The following CHRM3 variants were observed in gnomAD, a reference collection of about 807,000 sequenced individuals.
CHRM3 encodes the protein muscarinic acetylcholine receptor M3.
A neutral mutation model predicts 41.8 loss-of-function variants in CHRM3; 11 were observed. That is an observed-to-expected ratio of 0.26 (90% confidence interval 0.17 to 0.44). CHRM3 has a LOEUF of 0.44. Among genes scored for constraint, CHRM3 ranks in the 20% least tolerant of loss-of-function variants. The pLI, the probability that CHRM3 is intolerant of heterozygous loss-of-function variation, is 1.00. For missense variants in CHRM3, 571 were observed against 745.4 expected, an observed-to-expected ratio of 0.77 and a Z score of 2.72; for synonymous variants, 297 against 301.4, an observed-to-expected ratio of 0.99 and a Z score of 0.15.
chr1:239,711,408 G>A (rs1257401021), intron 5 of CHRM3, among the ~76,000 whole-genome samples: 1 of 151,548 alleles, frequency 6.6e-6, no homozygotes, highest in Non-Finnish European at 1.5e-5. Context: ...AATAATGCTT[G>A]GCCACCCAGA....
At chr1:239,469,552 T>A (rs1216920925) in intron 1 of CHRM3, among the ~76,000 whole-genome samples, 3 of 152,082 alleles carry the variant, frequency 2.0e-5, no homozygotes, top group Non-Finnish European at 4.4e-5. Flanking sequence ...TTTAAAAAAT[T>A]TTTTTATTTT....
At chr1:239,427,134 T>C (rs1662452308) in intron 1 of CHRM3, among the ~76,000 whole-genome samples, 1 of 152,150 alleles carries the variant, frequency 6.6e-6, no homozygotes, top group South Asian at 2.1e-4. Context: ...TTTAAAGTCA[T>C]TTTCCTGTGG....
At chr1:239,754,891 C>CT (rs942142896) in intron 5 of CHRM3, among the ~76,000 whole-genome samples, 1 of 151,986 alleles carries the variant, frequency 6.6e-6, no homozygotes, top group Non-Finnish European at 1.5e-5. Context: ...CATAATTTGT[C>CT]TTATTGTGGG....
At chr1:239,644,675 A>G (rs1196546058) in intron 4 of CHRM3, among the ~76,000 whole-genome samples, 2 of 151,998 alleles carry the variant, frequency 1.3e-5, no homozygotes, top group East Asian at 3.9e-4. Flanking sequence ...GCCGGAGTGG[A>G]CTCTTTGACA....
intron 1 of CHRM3, among the ~76,000 whole-genome samples, chr1:239,449,602 G>T (rs983279482): frequency 1.2e-4 from 18 of 152,160 alleles, no homozygotes; most frequent in African/African-American, 3.4e-4. Flanking sequence ...GAAATTTGCA[G>T]ATGGTTCCAA....
chr1:239,474,030 G>A (rs543158179), intron 1 of CHRM3, among the ~76,000 whole-genome samples: 23 of 152,030 alleles, frequency 1.5e-4, no homozygotes, highest in African/African-American at 5.3e-4. Flanking sequence ...ATATTTGAAG[G>A]GCTGAGTGTT....
At chr1:239,594,054 T>C (rs1211303485) in intron 3 of CHRM3, among the ~76,000 whole-genome samples, 2 of 152,248 alleles carry the variant, frequency 1.3e-5, no homozygotes, top group South Asian at 4.1e-4. Context: ...GTATCCTTTT[T>C]TCTCCCTTTT....
intron 6 of CHRM3, among the ~76,000 whole-genome samples, chr1:239,863,365 T>C (rs1315057861): frequency 6.6e-6 from 1 of 152,296 alleles, no homozygotes; most frequent in African/African-American, 2.4e-5. Context: ...TAGGGTGCCC[T>C]GAATAGCCAG....
intron 3 of CHRM3, among the ~76,000 whole-genome samples, chr1:239,598,474 T>C (rs1433460708): frequency 6.6e-6 from 1 of 152,164 alleles, no homozygotes; most frequent in Non-Finnish European, 1.5e-5. Context: ...ATAAATGCCT[T>C]TATAATTGTA....
intron 3 of CHRM3, among the ~76,000 whole-genome samples, chr1:239,622,157 T>G (rs1198345655): frequency 3.3e-5 from 5 of 152,162 alleles, no homozygotes; most frequent in Admixed American, 6.5e-5. Context: ...TGAGAACTAC[T>G]GCTCAGAAAA....
intron 1 of CHRM3, among the ~76,000 whole-genome samples, chr1:239,399,736 C>CGTTCTTCTGTTGATAGACACTT (rs1558191176): frequency 6.6e-6 from 1 of 150,954 alleles, no homozygotes; most frequent in South Asian, 2.1e-4. Context: ...TTTCTTTCTC[C>CGTTCTTCTGTTGATAGACACTT]ATTCTTCTGT....
intron 1 of CHRM3, among the ~76,000 whole-genome samples, chr1:239,409,990 A>C (rs1660943586): frequency 6.6e-6 from 1 of 152,228 alleles, no homozygotes; most frequent in African/African-American, 2.4e-5. Context: ...CTTGGTAACC[A>C]GGAATTCAGT....
At chr1:239,444,981 C>A (rs1664017472) in intron 1 of CHRM3, among the ~76,000 whole-genome samples, 2 of 152,156 alleles carry the variant, frequency 1.3e-5, no homozygotes, top group Admixed American at 6.5e-5. Flanking sequence ...AGCAGATCAA[C>A]AGGTGGTAGA....
chr1:239,716,930 A>G (rs796477911), intron 5 of CHRM3, among the ~76,000 whole-genome samples: 85 of 152,228 alleles, frequency 5.6e-4, no homozygotes, highest in African/African-American at 1.9e-3. Flanking sequence ...TTAACCATCC[A>G]TATGGCATAT....
intron 1 of CHRM3, among the ~76,000 whole-genome samples, chr1:239,440,895 A>C (rs748120266): frequency 1.8e-4 from 28 of 152,152 alleles, no homozygotes; most frequent in Non-Finnish European, 1.5e-4. Flanking sequence ...TAAACTCCAT[A>C]AACAGTTTGG....
intron 2 of CHRM3, among the ~76,000 whole-genome samples, chr1:239,520,786 A>AT (rs1191849850): frequency 6.6e-6 from 1 of 152,196 alleles, no homozygotes; most frequent in African/African-American, 2.4e-5. Flanking sequence ...AAGATTTGAT[A>AT]TTGACCCTGT....
At chr1:239,878,426 T>C (rs1677301244) in intron 6 of CHRM3, among the ~76,000 whole-genome samples, 1 of 152,012 alleles carries the variant, frequency 6.6e-6, no homozygotes, top group African/African-American at 2.4e-5. Context: ...GCTCAGGCAG[T>C]CATGAGAGTA....
At chr1:239,656,651 A>T (rs1672749791) in intron 4 of CHRM3, among the ~76,000 whole-genome samples, 1 of 152,190 alleles carries the variant, frequency 6.6e-6, no homozygotes, top group Middle Eastern at 3.4e-3. Context: ...AAAAAATAAA[A>T]TAAAATACAA....
intron 2 of CHRM3, among the ~76,000 whole-genome samples, chr1:239,505,844 A>G (rs989132353): frequency 2.0e-5 from 3 of 152,136 alleles, no homozygotes; most frequent in African/African-American, 7.2e-5. Context: ...ATAGCAGTAT[A>G]AGACAGTAAG....
Sources: gnomAD v4.1 joint callset for allele counts (sites outside exome capture counted in the v4.1 genomes callset) on GRCh38, gnomAD v4.1.1 for gene constraint, MANE v1.5 for transcripts, NCBI Gene and HGNC (gene_info 2026-07-23, HGNC 2026-07-21) for gene names.